NEK9: variants seen among roughly 807,000 people sequenced by gnomAD.
NEK9 encodes the protein serine/threonine-protein kinase Nek9.
In NEK9, 75 loss-of-function variants were observed where a neutral mutation model predicts 123.4. The ratio of observed to expected loss-of-function variants is 0.61; its 90% CI spans 0.50 to 0.74. The LOEUF (loss-of-function observed/expected upper bound fraction) is 0.74, where lower values mean the gene tolerates loss of function less well. NEK9 is among the 30% of genes least tolerant of loss of function. The pLI, the probability that NEK9 is intolerant of heterozygous loss-of-function variation, is 0.00. For synonymous variants in NEK9, 438 were observed against 458.7 expected, an observed-to-expected ratio of 0.95 and a Z score of 0.58; for missense variants, 952 against 1,214.4, an observed-to-expected ratio of 0.78 and a Z score of 3.21.
In NEK9 at chr14:75,084,097, T is replaced by C. The variant is rs1383576855; in HGVS notation, c.*467A>G. The C allele has an allele frequency of 5.8e-6, 1 of 173,132 alleles. No individual in the cohort carries two copies. The highest frequency in any genetic ancestry group is 1.3e-5 in the Non-Finnish European group (1 of 79,170). 10.7% of individuals were successfully genotyped at this position (173,132 alleles called of 1,614,324 possible). A position where few individuals can be genotyped will look rare whatever the true frequency, so the allele number is the denominator to read the frequency against. Reference sequence around the variant, plus strand: ...TACTTCACCACTCTGCAGAGGACACTGGGCGGGCCACACCTGATTCCAGCC... The same window carrying C: ...TACTTCACCACTCTGCAGAGGACACCGGGCGGGCCACACCTGATTCCAGCC... On this transcript the variant is annotated 3_prime_UTR_variant, in exon 22 of 22. Transcript: ENST00000238616.
intron 8 of NEK9, 51 bp from the exon 9 acceptor site, chr14:75,110,422 T>C (rs771110318): frequency 1.5e-6 from 2 of 1,370,328 alleles, no homozygotes; most frequent in East Asian, 2.3e-5. Context: ...GTTTTTATAT[T>C]GCAAAGGTGT....
Position 75,103,856 on chromosome 14 carries a change from T to C in NEK9, c.1717A>G (p.Ile573Val), listed in dbSNP as rs1894672968. Residue 573 changes from isoleucine to valine, a missense_variant, in exon 14 of 22, where the codon ATT (isoleucine) becomes GTT (valine). Coordinates refer to ENST00000238616, the MANE Select transcript of NEK9 (RefSeq NM_033116.6). Reference sequence around the variant, plus strand: ...AGGACACTCACTTCATGGTTGATAATTCCCGACATGCACTGATTCAGACCC... The same window carrying C: ...AGGACACTCACTTCATGGTTGATAACTCCCGACATGCACTGATTCAGACCC... Reference protein sequence around the residue: ...KLGLNQCMSGIINHEAYHEVP... With the variant: ...KLGLNQCMSGVINHEAYHEVP... The C allele has an allele frequency of 6.2e-6, 10 of 1,611,770 alleles. No individual in the cohort carries two copies. Among genetic ancestry groups the C allele is most frequent in the Non-Finnish European group, 8.5e-6 (10 of 1,179,320 alleles).
intron 1 of NEK9, among the ~76,000 whole-genome samples, chr14:75,125,934 T>G (rs1220553760): frequency 1.3e-5 from 2 of 152,200 alleles, no homozygotes; most frequent in Admixed American, 1.3e-4. Context: ...CTGCAGGGTT[T>G]TACACTAGTA....
At position 75,110,334 on chromosome 14, in the gene NEK9, T is replaced by TAA. The variant is rs1361862129; in HGVS notation, c.975_976insTT (p.Thr326LeufsTer10). On this transcript the variant is annotated frameshift_variant, in exon 9 of 22. Transcript: ENST00000238616. LOFTEE classifies it high-confidence loss of function. ...CTTGAACATTACCTTGGTCTCTTTG[T>TAA]AGGTGCATTAAGCAGAGTGACTTTT... 3 of 1,612,916 alleles carry TAA rather than the reference T, an allele frequency of 1.9e-6. No homozygotes were observed. Among genetic ancestry groups the TAA allele is most frequent in the Non-Finnish European group, 2.5e-6 (3 of 1,179,144 alleles).
At chr14:75,100,354 G>A (rs1379895915) in intron 16 of NEK9, among the ~76,000 whole-genome samples, 2 of 152,178 alleles carry the variant, frequency 1.3e-5, no homozygotes, top group East Asian at 3.9e-4. Context: ...GCTGAGGCAG[G>A]AGAATCGCTT....
At chr14:75,124,934 C>T (rs1895469164) in intron 1 of NEK9, among the ~76,000 whole-genome samples, 1 of 93,154 alleles carries the variant, frequency 1.1e-5, no homozygotes, top group South Asian at 4.3e-4. Context: ...CCACACTCAG[C>T]TAAATTTTTT....
rs1566633336 is a variant in NEK9, at chr14:75,079,902, T to C, written c.*4662A>G. Reference sequence around the variant, plus strand: ...ATCCGGGCCCTCCAGAGAGAACAAATTGTTGTTATATGTGGGGAGTGCTTT... The same window carrying C: ...ATCCGGGCCCTCCAGAGAGAACAAACTGTTGTTATATGTGGGGAGTGCTTT... On this transcript the variant is annotated 3_prime_UTR_variant, in exon 22 of 22. Transcript: ENST00000238616. The C allele has an allele frequency of 6.6e-6, 1 of 152,192 alleles. No homozygotes were observed. The highest frequency in any genetic ancestry group is 1.9e-4 in the East Asian group (1 of 5,200). The allele number at this position is 152,192 out of a possible 1,614,324, so 9.4% of individuals were successfully genotyped here.
rs1166408446 is a variant in NEK9 at position 75,088,540 on chromosome 14, C to G, written c.2544G>C (p.Leu848=). Reference sequence around the variant, plus strand: ...CTTCAGAGGCCACTTTGAGTCCTTGCAGCTCTTCATAGGGCAGGGTATCTT... The same window carrying G: ...CTTCAGAGGCCACTTTGAGTCCTTGGAGCTCTTCATAGGGCAGGGTATCTT... ...SEKDTLPYEE[L]QGLKVASEAP... The change falls in exon 20 of 22, where the codon CTG becomes CTC. Residue 848 remains leucine, a synonymous_variant. Transcript: ENST00000238616. The G allele has an allele frequency of 6.2e-7, 1 of 1,614,000 alleles. No individual in the cohort carries two copies. The highest frequency in any genetic ancestry group is 1.3e-5 in the African/African-American group (1 of 74,918).
At chr14:75,112,419 T>C (rs1894986777) in intron 8 of NEK9, among the ~76,000 whole-genome samples, 1 of 152,200 alleles carries the variant, frequency 6.6e-6, no homozygotes, top group African/African-American at 2.4e-5. Context: ...CAGAATAATC[T>C]CAGGAAATAA....
At chr14:75,101,589 C>A in intron 15 of NEK9, 68 bp downstream of exon 15, 1 of 1,072,260 alleles carries the variant, frequency 9.3e-7, no homozygotes. Flanking sequence ...ATAAAGAAAA[C>A]CTAATACCTG....
At chr14:75,095,233 G>T in intron 18 of NEK9, 139 bp downstream of exon 18, 1 of 579,038 alleles carries the variant, frequency 1.7e-6, no homozygotes, top group Non-Finnish European at 3.1e-6. Context: ...AACAAAATAT[G>T]ATCTTCTCTC....
intron 3 of NEK9, 95 bp from the exon 4 acceptor site, chr14:75,120,675 A>C: frequency 1.1e-6 from 1 of 911,598 alleles, no homozygotes; most frequent in Non-Finnish European, 1.7e-6. Flanking sequence ...GAAAACTGCA[A>C]CCAGAAGTTA....
Position 75,087,124 on chromosome 14 carries a change from C to T in NEK9, c.2711G>A (p.Gly904Asp), listed in dbSNP as rs1487617885. 6.2e-7 allele frequency: 1 copy of T among 1,614,206 alleles called. No individual in the cohort carries two copies. The highest frequency in any genetic ancestry group is 1.7e-5 in the Admixed American group (1 of 60,012). ...SLQVEVERLQ[G>D]LVLKCLAEQQ... Reference sequence around the variant, plus strand: ...TTCAGCCAGACACTTTAACACCAGACCCTGCAATCTCTCAACCTCCACCTG... The same window carrying T: ...TTCAGCCAGACACTTTAACACCAGATCCTGCAATCTCTCAACCTCCACCTG... The change falls in exon 21 of 22, where the codon GGT becomes GAT. Residue 904 changes from glycine (G) to aspartate (D), a missense_variant. Around this residue, in one of 4 missense-constraint regions of NEK9, gnomAD observed 698 missense variants for 875.6 expected, o/e 0.80. Transcript: ENST00000238616.
rs192234704 is a variant in NEK9, at chr14:75,109,648, T to C, written c.1182+37A>G. 18 of 1,587,634 alleles carry C rather than the reference T, an allele frequency of 1.1e-5. No homozygotes were observed. The East Asian group carries it at 3.8e-4, about 34-fold the overall frequency. ...TCGTGGGCCCAGTAAACAATTAGGC[T>C]TACAGCACTGTTCCAAAATGCTTAG... On this transcript the variant is annotated intron_variant, in intron 10 of 21. Coordinates refer to ENST00000238616, the MANE Select transcript of NEK9 (RefSeq NM_033116.6).
intron 17 of NEK9, among the ~76,000 whole-genome samples, chr14:75,095,752 TG>T (rs1894361543): frequency 6.6e-6 from 1 of 152,054 alleles, no homozygotes; most frequent in Non-Finnish European, 1.5e-5. Context: ...TAGCCAGGTG[TG>T]GTGGCACTGG....
At chr14:75,095,328 C>A in intron 18 of NEK9, 44 bp downstream of exon 18, 1 of 1,445,166 alleles carries the variant, frequency 6.9e-7, no homozygotes, top group Non-Finnish European at 9.6e-7. Context: ...ACCAAAAGAC[C>A]CACACTTCAG....
At chr14:75,126,556 T>C (rs1895532671) in intron 1 of NEK9, 147 bp downstream of exon 1, 3 of 474,616 alleles carry the variant, frequency 6.3e-6, no homozygotes, top group South Asian at 1.1e-4. Context: ...TGCCGGTGAG[T>C]GGGAAGAGTG....
Position 75,079,825 on chromosome 14 carries a change from T to G in NEK9, c.*4739A>C, listed in dbSNP as rs556278408. On this transcript the variant is annotated 3_prime_UTR_variant, in exon 22 of 22. Transcript: ENST00000238616. The stretch of plus-strand genomic sequence containing the variant: ...GCTTCACTTCTTTACCTTATCTGCC[T>G]GGTACCACAGGCACTTGGATTTGGG... 6.6e-6 allele frequency: 1 copy of G among 152,336 alleles called. No homozygotes were observed. The highest frequency in any genetic ancestry group is 6.5e-5 in the Admixed American group (1 of 15,304). 9.4% of individuals were successfully genotyped at this position (152,336 alleles called of 1,614,324 possible). A position where few individuals can be genotyped will look rare whatever the true frequency, so the allele number is the denominator to read the frequency against.
At chr14:75,088,718 GT>G in intron 19 of NEK9, 77 bp from the exon 20 acceptor site, 2 of 1,410,576 alleles carry the variant, frequency 1.4e-6, no homozygotes, top group Non-Finnish European at 2.0e-6. Flanking sequence ...TTTTGCTATA[GT>G]TTTCCCTCTC....
Sources: gnomAD v4.1 joint callset for allele counts (sites outside exome capture counted in the v4.1 genomes callset) on GRCh38, gnomAD v4.1.1 for gene constraint, gnomAD v4.1.1 regional missense constraint, MANE v1.5 for transcripts, NCBI Gene and HGNC (gene_info 2026-07-23, HGNC 2026-07-21) for gene names.